C11orf65: variants seen among roughly 807,000 people sequenced by gnomAD.
C11orf65 encodes chromosome 11 open reading frame 65, also known as protein MFI.
C11orf65 carries 38 observed loss-of-function variants against 35.3 expected under a neutral mutation model. The observed-to-expected ratio is 1.08, with a 90% CI of 0.83 to 1.41. The LOEUF is 1.41. Ranked by LOEUF, C11orf65 falls within the 40% of genes most tolerant of loss-of-function variation. C11orf65 has a pLI of 0.00. For missense variants in C11orf65, 370 were observed against 367.1 expected (o/e 1.01, Z -0.06); for synonymous variants, 105 against 114.4 (o/e 0.92, Z 0.53).
chr11:108,309,059 C>T, exon 7 of C11orf65: 1 of 1,504,958 alleles, frequency 6.6e-7, no homozygotes, highest in Non-Finnish European at 8.9e-7. Context: ...GAATAAGATC[C>T]TGAAGAATAT....
intron 1 of C11orf65, among the ~76,000 whole-genome samples, chr11:108,462,118 A>G (rs1349010823): frequency 1.3e-5 from 2 of 152,216 alleles, no homozygotes; most frequent in South Asian, 2.1e-4. Context: ...ATCATAGGTC[A>G]CTGCAGCCTT....
intron 2 of C11orf65, among the ~76,000 whole-genome samples, chr11:108,351,564 T>G (rs1053732455): frequency 6.6e-6 from 1 of 152,210 alleles, no homozygotes; most frequent in Admixed American, 6.5e-5. Context: ...AAGACTCAGC[T>G]GGGCCAGAGT....
At chr11:108,313,726 C>T (rs187291015) in intron 6 of C11orf65, among the ~76,000 whole-genome samples, 4 of 152,214 alleles carry the variant, frequency 2.6e-5, no homozygotes, top group East Asian at 1.9e-4. Context: ...CTTGATTTCA[C>T]GTTATGAATA....
At chr11:108,352,240 AAAC>A (rs2089298711) in intron 2 of C11orf65, among the ~76,000 whole-genome samples, 1 of 152,262 alleles carries the variant, frequency 6.6e-6, no homozygotes, top group South Asian at 2.1e-4. Flanking sequence ...GCCATCATAA[AAAC>A]ACTGAAGGAA....
At chr11:108,354,952 T>TGAA in intron 2 of C11orf65, 1 of 1,158,868 alleles carries the variant, frequency 8.6e-7, no homozygotes, top group South Asian at 1.2e-5. Flanking sequence ...GTCACTGATG[T>TGAA]GAAGAGCACT....
At chr11:108,341,739 T>C (rs984805958) in intron 2 of C11orf65, among the ~76,000 whole-genome samples, 3 of 152,216 alleles carry the variant, frequency 2.0e-5, no homozygotes, top group African/African-American at 7.2e-5. Context: ...TACAATGATA[T>C]TCAACTTTTC....
intron 2 of C11orf65, among the ~76,000 whole-genome samples, chr11:108,454,980 T>A (rs2093395620): frequency 6.6e-6 from 1 of 152,222 alleles, no homozygotes; most frequent in African/African-American, 2.4e-5. Context: ...TTTGAGATCT[T>A]TCTTGTTTTG....
At chr11:108,373,682 T>C (rs1309289645) in intron 2 of C11orf65, among the ~76,000 whole-genome samples, 2 of 152,186 alleles carry the variant, frequency 1.3e-5, no homozygotes, top group East Asian at 3.9e-4. Flanking sequence ...TGCAGGACAG[T>C]GGGTGCAGCG....
At chr11:108,415,586 A>C (rs1338166612) in intron 3 of C11orf65, among the ~76,000 whole-genome samples, 2 of 152,162 alleles carry the variant, frequency 1.3e-5, no homozygotes, top group African/African-American at 2.4e-5. Flanking sequence ...CCAGGAACTT[A>C]TTTTGTGTAT....
At chr11:108,358,191 A>G (rs1203885452) in intron 2 of C11orf65, among the ~76,000 whole-genome samples, 1 of 151,808 alleles carries the variant, frequency 6.6e-6, no homozygotes, top group Non-Finnish European at 1.5e-5. Flanking sequence ...AAGAAAGGGT[A>G]TCAGCGATGG....
intron 2 of C11orf65, among the ~76,000 whole-genome samples, chr11:108,349,523 C>A (rs1048032587): frequency 1.3e-5 from 2 of 152,050 alleles, no homozygotes; most frequent in Non-Finnish European, 2.9e-5. Context: ...ATTAGCCGGG[C>A]GAGGTGGTGG....
At chr11:108,449,672 C>G (rs958218774) in intron 2 of C11orf65, among the ~76,000 whole-genome samples, 1 of 151,996 alleles carries the variant, frequency 6.6e-6, no homozygotes, top group Admixed American at 6.6e-5. Flanking sequence ...AGACCTAAAA[C>G]TATAAAAACC....
chr11:108,384,228 G>A (rs2091934961), intron 8 of C11orf65, among the ~76,000 whole-genome samples: 1 of 152,152 alleles, frequency 6.6e-6, no homozygotes, highest in Non-Finnish European at 1.5e-5. Context: ...GAGAAGCATT[G>A]GTTTGGAGGC....
chr11:108,397,991 C>T (rs1235057149), intron 6 of C11orf65, among the ~76,000 whole-genome samples: 3 of 152,104 alleles, frequency 2.0e-5, no homozygotes, highest in Non-Finnish European at 4.4e-5. Flanking sequence ...CTAATTGTGT[C>T]TAGGTATGTA....
intron 6 of C11orf65, among the ~76,000 whole-genome samples, chr11:108,401,123 A>AT (rs398017512): frequency 1.3e-5 from 2 of 151,360 alleles, no homozygotes; most frequent in Non-Finnish European, 3.0e-5. Flanking sequence ...AAAAAAAAAA[A>AT]GAGAAAGAAA....
intron 2 of C11orf65, among the ~76,000 whole-genome samples, chr11:108,447,294 C>G (rs891863378): frequency 6.6e-6 from 1 of 152,128 alleles, no homozygotes; most frequent in African/African-American, 2.4e-5. Flanking sequence ...TAATAGACAT[C>G]TACAGAACTC....
intron 3 of C11orf65, among the ~76,000 whole-genome samples, chr11:108,414,328 G>T (rs922017307): frequency 6.6e-6 from 1 of 151,448 alleles, no homozygotes; most frequent in African/African-American, 2.4e-5. Context: ...AATAAAATTT[G>T]TAAAGAATGA....
intron 2 of C11orf65, chr11:108,365,004 T>C (rs2137857834): frequency 6.5e-7 from 1 of 1,528,030 alleles, no homozygotes; most frequent in Non-Finnish European, 9.0e-7. Context: ...CTTATTTGTA[T>C]GATACTGGTT....
intron 2 of C11orf65, among the ~76,000 whole-genome samples, chr11:108,454,606 C>T (rs1565722540): frequency 6.6e-6 from 1 of 151,958 alleles, no homozygotes; most frequent in Non-Finnish European, 1.5e-5. Context: ...CCTACTTTTA[C>T]ATTTTTGTTT....
Sources: gnomAD v4.1 joint callset for allele counts (sites outside exome capture counted in the v4.1 genomes callset) on GRCh38, gnomAD v4.1.1 for gene constraint, MANE v1.5 for transcripts, NCBI Gene and HGNC (gene_info 2026-07-23, HGNC 2026-07-21) for gene names.